EFCAB11: variants seen among roughly 807,000 people sequenced by gnomAD.
EFCAB11 encodes EF-hand calcium binding domain 11.
Under a neutral mutation model 23.0 loss-of-function variants are expected in EFCAB11, and 14 were observed. That is an observed-to-expected ratio of 0.61 (90% CI 0.40 to 0.95). EFCAB11 has a LOEUF of 0.95. Among genes scored for constraint, EFCAB11 ranks in the 40% least tolerant of loss-of-function variants. EFCAB11 has a pLI of 0.00. For missense variants in EFCAB11, 198 were observed against 195.8 expected (o/e 1.01, Z -0.07); for synonymous variants, 65 against 66.6 (o/e 0.98, Z 0.11).
chr14:89,880,130 A>G (rs906160792), intron 5 of EFCAB11, among the ~76,000 whole-genome samples: 1 of 152,148 alleles, frequency 6.6e-6, no homozygotes, highest in Admixed American at 6.5e-5. Context: ...CCTAAAATTC[A>G]TATGTTGAAA....
intron 3 of EFCAB11, among the ~76,000 whole-genome samples, chr14:89,948,177 T>C (rs993641341): frequency 6.6e-6 from 1 of 152,136 alleles, no homozygotes; most frequent in Non-Finnish European, 1.5e-5. Context: ...TTATAAATAA[T>C]CAAAATTAAA....
At chr14:89,818,242 G>C (rs1167741490) in intron 5 of EFCAB11, among the ~76,000 whole-genome samples, 1 of 152,112 alleles carries the variant, frequency 6.6e-6, no homozygotes, top group Non-Finnish European at 1.5e-5. Flanking sequence ...CAACTTGCCA[G>C]GTAAGTGAAG....
intron 5 of EFCAB11, among the ~76,000 whole-genome samples, chr14:89,911,903 G>C (rs2140216818): frequency 6.6e-6 from 1 of 152,316 alleles, no homozygotes; most frequent in East Asian, 1.9e-4. Context: ...CAATTTGCAT[G>C]AATTATCCCT....
intron 5 of EFCAB11, among the ~76,000 whole-genome samples, chr14:89,802,673 G>A (rs1341814523): frequency 1.6e-4 from 24 of 152,156 alleles, no homozygotes; most frequent in Admixed American, 1.5e-3. Context: ...GATTATAGGC[G>A]TGAGCCACTG....
At chr14:89,842,087 A>C (rs988939696) in intron 5 of EFCAB11, among the ~76,000 whole-genome samples, 2 of 152,026 alleles carry the variant, frequency 1.3e-5, no homozygotes, top group African/African-American at 4.8e-5. Flanking sequence ...CTTGATGCCT[A>C]CCTATCCTTC....
rs11622008 is a variant in EFCAB11 at position 89,895,509 on chromosome 14, C to T, written c.410+36032G>A. On this transcript the variant is annotated intron_variant, in intron 5 of 5. Transcript: ENST00000316738. ...ACAGATTAAGTGACCAGTGAAACAA[C>T]AGAAAACACAGGAGCAGAGGCAGCA... is the stretch of plus-strand genomic sequence containing the variant. 2.1e-3 allele frequency among the ~76,000 whole-genome samples: 315 copies of T among 152,186 alleles called. 1 individual carries two copies. Among genetic ancestry groups the T allele is most frequent in the African/African-American group, 7.2e-3 (300 of 41,528 alleles).
At chr14:89,840,573 T>C (rs1411194436) in intron 5 of EFCAB11, among the ~76,000 whole-genome samples, 1 of 152,240 alleles carries the variant, frequency 6.6e-6, no homozygotes. Flanking sequence ...GAATGTTAAT[T>C]ATGTAAGACA....
At chr14:89,814,242 C>T (rs1886252084) in intron 5 of EFCAB11, among the ~76,000 whole-genome samples, 1 of 152,070 alleles carries the variant, frequency 6.6e-6, no homozygotes, top group Non-Finnish European at 1.5e-5. Context: ...TTTTCTGTCC[C>T]TCGCTGAAGG....
In EFCAB11 at chr14:89,818,142, C is replaced by T. The variant is rs142565408; in HGVS notation, c.411-20818G>A. On this transcript the variant is annotated intron_variant, in intron 5 of 5. Transcript: ENST00000316738. ...TACAATACATGAAAAGCTCTTATAA[C>T]TCTATAACAATAATTCAAAATTACC... is the stretch of plus-strand genomic sequence containing the variant. Among the ~76,000 whole-genome samples, 198 of 152,156 alleles carry T rather than the reference C, an allele frequency of 1.3e-3. 1 individual carries two copies. The highest frequency in any genetic ancestry group is 4.4e-3 in the African/African-American group (181 of 41,512).
chr14:89,874,753 G>A (rs1596415880), intron 5 of EFCAB11, among the ~76,000 whole-genome samples: 1 of 152,124 alleles, frequency 6.6e-6, no homozygotes, highest in Admixed American at 6.6e-5. Context: ...TTAGCCGGGC[G>A]CCGTGGCAGG....
At chr14:89,817,337 C>T (rs1886366828) in intron 5 of EFCAB11, among the ~76,000 whole-genome samples, 1 of 151,864 alleles carries the variant, frequency 6.6e-6, no homozygotes, top group South Asian at 2.1e-4. Context: ...AACTGGGCAA[C>T]ACAGTGAGAC....
intron 2 of EFCAB11, among the ~76,000 whole-genome samples, chr14:89,952,135 A>G (rs1833049846): frequency 6.6e-6 from 1 of 152,234 alleles, no homozygotes; most frequent in South Asian, 2.1e-4. Flanking sequence ...ATAAAAGTTC[A>G]TTGTACAAAT....
intron 5 of EFCAB11, among the ~76,000 whole-genome samples, chr14:89,843,148 C>T (rs564971280): frequency 8.6e-4 from 131 of 152,218 alleles, no homozygotes; most frequent in African/African-American, 3.0e-3. Flanking sequence ...TGTACCAGAA[C>T]GGTGGTTCTC....
intron 5 of EFCAB11, among the ~76,000 whole-genome samples, chr14:89,884,341 A>G (rs1345616410): frequency 6.6e-6 from 1 of 152,206 alleles, no homozygotes; most frequent in African/African-American, 2.4e-5. Context: ...GTCAGTATTT[A>G]TTCATGATAA....
intron 5 of EFCAB11, among the ~76,000 whole-genome samples, chr14:89,800,257 C>G (rs17779463): frequency 0.19 from 28,246 of 152,084 alleles, 3,510 homozygotes; most frequent in Non-Finnish European, 0.28. Context: ...ACCCATCATT[C>G]AGGGACCCGT....
At chr14:89,901,987 G>C (rs1480651255) in intron 5 of EFCAB11, among the ~76,000 whole-genome samples, 2 of 149,566 alleles carry the variant, frequency 1.3e-5, no homozygotes, top group Non-Finnish European at 2.9e-5. Flanking sequence ...AACACTTCTG[G>C]TCTCATGCAT....
chr14:89,813,808 A>G lies in EFCAB11; in HGVS notation c.411-16484T>C, dbSNP rs545735896. On this transcript the variant is annotated intron_variant, in intron 5 of 5. Coordinates refer to ENST00000316738, the MANE Select transcript of EFCAB11 (RefSeq NM_145231.4). ...ATGGCCAACCAAGGAAAACCATTTC[A>G]CACTTCGAGAGTTTACATAATGTGA... 6.6e-5 allele frequency among the ~76,000 whole-genome samples: 10 copies of G among 152,334 alleles called. No individual in the cohort carries two copies. The South Asian group carries it at 1.9e-3, about 28-fold the overall frequency.
intron 5 of EFCAB11, among the ~76,000 whole-genome samples, chr14:89,874,803 A>G (rs1172330379): frequency 1.3e-5 from 2 of 152,070 alleles, no homozygotes; most frequent in African/African-American, 4.8e-5. Flanking sequence ...GAGGCAAGAG[A>G]ATGGCGTGGA....
In EFCAB11 at chr14:89,943,097, G is replaced by T. The variant is rs554492892; in HGVS notation, c.217+7000C>A. On this transcript the variant is annotated intron_variant, in intron 3 of 5. Transcript: ENST00000316738. ...ACTGGGCCCTGCAAAAGAATCCTGTGGATGGTGTGTTAGAGCCCTGTTCCG... is the reference window on the plus strand; with the variant it reads ...ACTGGGCCCTGCAAAAGAATCCTGTTGATGGTGTGTTAGAGCCCTGTTCCG... Among the ~76,000 whole-genome samples the T allele has an allele frequency of 1.4e-4, 22 of 152,262 alleles. No individual in the cohort carries two copies. The South Asian group carries it at 4.1e-3, about 29-fold the overall frequency.
Sources: allele counts gnomAD v4.1 joint callset (sites outside exome capture counted in the v4.1 genomes callset), GRCh38; gene constraint gnomAD v4.1.1; transcripts MANE v1.5; gene names NCBI Gene and HGNC (gene_info 2026-07-23, HGNC 2026-07-21).